RBFOX1: variants seen among roughly 807,000 people sequenced by gnomAD.
RBFOX1 encodes RNA binding fox-1 homolog 1.
A neutral mutation model predicts 57.7 loss-of-function variants in RBFOX1; 8 were observed. The observed-to-expected ratio is 0.14, with a 90% CI of 0.08 to 0.25. RBFOX1 has a LOEUF of 0.25. RBFOX1 is among the 10% of genes least tolerant of loss of function. The pLI is 1.00. For missense variants in RBFOX1, 611 were observed against 548.5 expected, an observed-to-expected ratio of 1.11 and a Z score of -1.14; for synonymous variants, 326 against 222.4, an observed-to-expected ratio of 1.47 and a Z score of -4.15.
At chr16:5,793,398 G>C (rs2054770227) in intron 3 of RBFOX1, among the ~76,000 whole-genome samples, 1 of 152,242 alleles carries the variant, frequency 6.6e-6, no homozygotes, top group Admixed American at 6.5e-5. Context: ...ATCTCCCTTG[G>C]TGAAGATTTA....
rs1422876629 is a variant in RBFOX1 at position 5,422,240 on chromosome 16, G to A, written c.220-44976G>A. On this transcript the variant is annotated intron_variant, in intron 1 of 2. Transcript: ENST00000585867. ...AGAGAGGAGGGAGAGGGAGAGGGAG[G>A]AGGAGCAGGGAGAGGGAGGAGGAGC... is the stretch of plus-strand genomic sequence containing the variant. Among the ~76,000 whole-genome samples, 31 of 141,514 alleles carry A rather than the reference G, an allele frequency of 2.2e-4. 2 individuals carry two copies. Among genetic ancestry groups the A allele is most frequent in the Non-Finnish European group, 1.6e-5 (1 of 63,846 alleles). 92.8% of individuals were successfully genotyped at this position (141,514 alleles called of 152,430 possible).
intron 3 of RBFOX1, among the ~76,000 whole-genome samples, chr16:5,620,303 C>T (rs1454724249): frequency 5.9e-5 from 9 of 152,138 alleles, no homozygotes; most frequent in African/African-American, 1.2e-4. Context: ...ACTCTCTTCC[C>T]CACATTGCCG....
chr16:6,814,139 A>G (rs113757567), intron 3 of RBFOX1, among the ~76,000 whole-genome samples: 6,189 of 152,252 alleles, frequency 0.041, 193 homozygotes, highest in Middle Eastern at 0.088. Flanking sequence ...TAAAACTCCT[A>G]GAACAACAAC....
intron 3 of RBFOX1, among the ~76,000 whole-genome samples, chr16:5,803,684 G>C (rs976412544): frequency 6.6e-6 from 1 of 152,164 alleles, no homozygotes; most frequent in Non-Finnish European, 1.5e-5. Context: ...AGCATCTGCT[G>C]TATTTAAGGT....
rs141507857 is a variant in RBFOX1, at chr16:6,627,268, G to A, written c.-63-27335G>A. Among the ~76,000 whole-genome samples the A allele has an allele frequency of 3.3e-5, 5 of 152,246 alleles. No individual in the cohort carries two copies. The East Asian group carries it at 7.7e-4, about 24-fold the overall frequency. On this transcript the variant is annotated intron_variant, in intron 2 of 15. Coordinates refer to ENST00000550418, the MANE Select transcript of RBFOX1 (RefSeq NM_018723.4). ...TTTGAAGCTGGCCTCTAGAAGGCGG[G>A]GCCCTGAAACGTCCCTACTTAGGTG...
chr16:6,976,903 CAT>C (rs1315832136), intron 3 of RBFOX1, among the ~76,000 whole-genome samples: 5 of 141,282 alleles, frequency 3.5e-5, no homozygotes, highest in East Asian at 4.1e-4. Flanking sequence ...TGGTGTATAT[CAT>C]ATATATCACA....
intron 3 of RBFOX1, among the ~76,000 whole-genome samples, chr16:5,844,508 T>C (rs1383860089): frequency 8.5e-5 from 13 of 152,192 alleles, no homozygotes; most frequent in Non-Finnish European, 2.9e-5. Flanking sequence ...ACGAAGCTCC[T>C]GCGTTCACCT....
intron 1 of RBFOX1, among the ~76,000 whole-genome samples, chr16:5,461,703 G>A (rs1277452269): frequency 6.6e-6 from 1 of 152,170 alleles, no homozygotes; most frequent in Non-Finnish European, 1.5e-5. Context: ...TTCCTTGGCA[G>A]AACCTAATGA....
chr16:6,554,127 A>C (rs986317127), intron 2 of RBFOX1, among the ~76,000 whole-genome samples: 9 of 152,218 alleles, frequency 5.9e-5, no homozygotes, highest in Middle Eastern at 3.2e-3. Context: ...TTAAAGAAGT[A>C]ATTAGAAATT....
At chr16:7,307,885 C>T (rs17143400) in intron 4 of RBFOX1, among the ~76,000 whole-genome samples, 93,515 of 151,990 alleles carry the variant, frequency 0.62, 29,686 homozygotes, top group East Asian at 0.79. Flanking sequence ...ATCTCCTTTC[C>T]TGAGTGGCTT....
intron 2 of RBFOX1, chr16:6,483,098 G>A: frequency 3.0e-6 from 3 of 1,009,766 alleles, no homozygotes; most frequent in Middle Eastern, 4.8e-4. Flanking sequence ...CGTAGGGGCG[G>A]GACCCACGCA....
chr16:6,191,960 A>G (rs1340905365), intron 1 of RBFOX1, among the ~76,000 whole-genome samples: 1 of 152,166 alleles, frequency 6.6e-6, no homozygotes, highest in Non-Finnish European at 1.5e-5. Context: ...AATTCTGTAA[A>G]TATGTCTTGG....
chr16:7,700,363 G>A (rs1568546006), intron 14 of RBFOX1, among the ~76,000 whole-genome samples: 1 of 152,082 alleles, frequency 6.6e-6, no homozygotes, highest in Admixed American at 6.6e-5. Context: ...TTTATAGATG[G>A]TATAACCAAC....
rs879249500 is a variant in RBFOX1 at position 5,593,995 on chromosome 16, C to G, written c.259-4907C>G. ...GTGATACACCACCCCCATCCTGCCCCCACACCTTCTGCCCATTGTTCATGA... is the reference window on the plus strand; with the variant it reads ...GTGATACACCACCCCCATCCTGCCCGCACACCTTCTGCCCATTGTTCATGA... On this transcript the variant is annotated intron_variant, in intron 2 of 2. Coordinates refer to the RBFOX1 transcript ENST00000585867. Among the ~76,000 whole-genome samples the G allele has an allele frequency of 1.1e-4, 17 of 152,094 alleles. 1 individual carries two copies. Among genetic ancestry groups the G allele is most frequent in the Non-Finnish European group, 1.8e-4 (12 of 68,034 alleles).
At chr16:5,288,864 C>T (rs952627217) in intron 1 of RBFOX1, among the ~76,000 whole-genome samples, 7 of 139,378 alleles carry the variant, frequency 5.0e-5, no homozygotes, top group African/African-American at 1.5e-4. Context: ...CAGTGGCTCA[C>T]ACCTGTAATC....
intron 3 of RBFOX1, among the ~76,000 whole-genome samples, chr16:5,651,887 A>T (rs1258103284): frequency 6.6e-6 from 1 of 152,196 alleles, no homozygotes. Context: ...TAATCCCAGC[A>T]TTCGGAAGGC....
intron 4 of RBFOX1, among the ~76,000 whole-genome samples, chr16:7,067,467 C>A (rs1249781265): frequency 6.9e-6 from 1 of 145,526 alleles, no homozygotes; most frequent in Non-Finnish European, 1.5e-5. Context: ...TTTTATCATT[C>A]TGATTGCAGT....
At chr16:5,455,013 TTCTTTCTTTCTC>T (rs1567536296) in intron 1 of RBFOX1, among the ~76,000 whole-genome samples, 8 of 115,780 alleles carry the variant, frequency 6.9e-5, no homozygotes, top group African/African-American at 2.1e-4. Flanking sequence ...CTTTCTTTCT[TTCTTTCTTTCTC>T]TCTCTCTGTC....
intron 1 of RBFOX1, among the ~76,000 whole-genome samples, chr16:6,226,107 C>G (rs915672725): frequency 1.3e-5 from 2 of 151,484 alleles, no homozygotes; most frequent in African/African-American, 4.9e-5. Flanking sequence ...TGCCTGTAAT[C>G]CCAGCACTTT....
Sources: gnomAD v4.1 joint callset for allele counts (sites outside exome capture counted in the v4.1 genomes callset) on GRCh38, gnomAD v4.1.1 for gene constraint, MANE v1.5 for transcripts, NCBI Gene and HGNC (gene_info 2026-07-23, HGNC 2026-07-21) for gene names.